PPM1L: variants seen among roughly 807,000 people sequenced by gnomAD.
PPM1L encodes protein phosphatase 1L.
In PPM1L, 13 loss-of-function variants were observed where a neutral mutation model predicts 31.4. That is an observed-to-expected ratio of 0.41 (90% confidence interval 0.27 to 0.66). PPM1L has a LOEUF of 0.66. PPM1L is among the 30% of genes least tolerant of loss of function. The pLI is 0.29. For synonymous variants in PPM1L, 184 were observed against 175.4 expected (o/e 1.05, Z -0.39); for missense variants, 326 against 453.7 (o/e 0.72, Z 2.56).
rs144892440 is a variant in PPM1L at position 160,965,919 on chromosome 3, AC to A, written c.574+4010del. On this transcript the variant is annotated intron_variant, in intron 2 of 3. Coordinates refer to ENST00000498165, the MANE Select transcript of PPM1L (RefSeq NM_139245.4). ...CGTCTAAACTTCTATTAATAAAAAAACAATTAATGAAAAAAACACTTAGACA... is the reference window on the plus strand; with the variant it reads ...CGTCTAAACTTCTATTAATAAAAAAAAATTAATGAAAAAAACACTTAGACA... Among the ~76,000 whole-genome samples the A allele has an allele frequency of 2.7e-4, 41 of 152,252 alleles. No individual in the cohort carries two copies. In the East Asian group the frequency reaches 5.4e-3, roughly 20 times the overall value.
At chr3:161,044,074 C>G (rs1203198645) in intron 2 of PPM1L, among the ~76,000 whole-genome samples, 1 of 152,208 alleles carries the variant, frequency 6.6e-6, no homozygotes, top group African/African-American at 2.4e-5. Flanking sequence ...GAGTCTTGCT[C>G]TGTCACCCAG....
intron 2 of PPM1L, among the ~76,000 whole-genome samples, chr3:161,034,441 C>A (rs1020890608): frequency 6.6e-6 from 1 of 152,062 alleles, no homozygotes; most frequent in Non-Finnish European, 1.5e-5. Flanking sequence ...TGGAACCAAC[C>A]CAAATGGCCA....
intron 1 of PPM1L, among the ~76,000 whole-genome samples, chr3:160,810,311 G>A (rs1290782995): frequency 6.6e-6 from 1 of 152,006 alleles, no homozygotes; most frequent in Non-Finnish European, 1.5e-5. Context: ...TCTCACTCCT[G>A]TTTCAATTTG....
intron 1 of PPM1L, among the ~76,000 whole-genome samples, chr3:160,850,254 A>G (rs1435747770): frequency 2.6e-5 from 4 of 152,220 alleles, no homozygotes; most frequent in African/African-American, 4.8e-5. Flanking sequence ...AGAGATTCAT[A>G]GAGCAAGGTC....
chr3:160,756,605 G>A lies in PPM1L; in HGVS notation c.297G>A (p.Gln99=). Residue 99 remains glutamine, a synonymous_variant, in exon 1 of 4, where the codon CAG becomes CAA. Coordinates refer to ENST00000498165, the MANE Select transcript of PPM1L (RefSeq NM_139245.4). This position sits in a 1 kb window ranked among gnomAD's most constrained non-coding sequence, Gnocchi z 6.2. ...ACAACGTGGCGGTGTACTCCATCCA[G>A]GGCCGGAGAGACCACATGGAGGACC... is the stretch of plus-strand genomic sequence containing the variant. ...KNHNVAVYSI[Q]GRRDHMEDRF... The A allele has an allele frequency of 6.2e-7, 1 of 1,614,156 alleles. No homozygotes were observed. Among genetic ancestry groups the A allele is most frequent in the African/African-American group, 1.3e-5 (1 of 75,046 alleles).
chr3:160,771,818 C>T (rs1236451775), intron 1 of PPM1L, among the ~76,000 whole-genome samples: 1 of 151,594 alleles, frequency 6.6e-6, no homozygotes, highest in Non-Finnish European at 1.5e-5. Context: ...GGGCACTCAG[C>T]CTGTTAATTT....
intron 2 of PPM1L, among the ~76,000 whole-genome samples, chr3:161,004,158 A>G (rs1183391650): frequency 4.1e-5 from 6 of 146,218 alleles, no homozygotes; most frequent in African/African-American, 7.6e-5. Flanking sequence ...ATTTGCGTAT[A>G]TTGAACCAGC....
intron 1 of PPM1L, among the ~76,000 whole-genome samples, chr3:160,945,091 CATGTT>C (rs1421198781): frequency 7.7e-6 from 1 of 129,298 alleles, no homozygotes; most frequent in Non-Finnish European, 1.6e-5. Flanking sequence ...CTATATATAA[CATGTT>C]ATATATAACA....
In PPM1L at chr3:160,917,722, T is replaced by A. The variant is rs75744258; in HGVS notation, c.400-44014T>A. Among the ~76,000 whole-genome samples, 594 of 151,882 alleles carry A rather than the reference T, an allele frequency of 3.9e-3. 2 individuals carry two copies. The highest frequency in any genetic ancestry group is 5.4e-3 in the Non-Finnish European group (367 of 67,940). Reference sequence around the variant, plus strand: ...ATTAGAGAAGGAGAGAATCATATTTTAAAAAAAACATGATTTCAAAGGAAG... The same window carrying A: ...ATTAGAGAAGGAGAGAATCATATTTAAAAAAAAACATGATTTCAAAGGAAG... On this transcript the variant is annotated intron_variant, in intron 1 of 3. Coordinates refer to ENST00000498165, the MANE Select transcript of PPM1L (RefSeq NM_139245.4).
chr3:161,073,773 G>T lies in PPM1L; in HGVS notation c.*4616G>T, dbSNP rs1228349486. ...AGACGGGGTTTCACCATGTTAGCCA[G>T]GATGGTCTTGATATCCTGACCTTGT... On this transcript the variant is annotated 3_prime_UTR_variant, in exon 4 of 4. Transcript: ENST00000498165. The T allele has an allele frequency of 1.3e-5, 2 of 152,212 alleles. No homozygotes were observed. Among genetic ancestry groups the T allele is most frequent in the Non-Finnish European group, 2.9e-5 (2 of 68,116 alleles). The allele number at this position is 152,212 out of a possible 1,614,324, so 9.4% of individuals were successfully genotyped here.
chr3:160,784,996 A>T (rs998908911), intron 1 of PPM1L, among the ~76,000 whole-genome samples: 4 of 152,206 alleles, frequency 2.6e-5, no homozygotes, highest in Non-Finnish European at 5.9e-5. Context: ...TCTGAGGGTG[A>T]CTGGAAACTT....
Position 160,919,332 on chromosome 3 carries a change from T to C in PPM1L, c.400-42404T>C, listed in dbSNP as rs186228309. ...CTTTTTCATTTATCTAGGATCATAG[T>C]TGGGCCACTTAAGAACTGGGCTTTC... is the stretch of plus-strand genomic sequence containing the variant. On this transcript the variant is annotated intron_variant, in intron 1 of 3. Transcript: ENST00000498165. 2.3e-3 allele frequency among the ~76,000 whole-genome samples: 349 copies of C among 152,328 alleles called. 2 individuals carry two copies. Among genetic ancestry groups the C allele is most frequent in the African/African-American group, 7.9e-3 (327 of 41,562 alleles).
intron 1 of PPM1L, among the ~76,000 whole-genome samples, chr3:160,758,974 C>CA (rs1388132403): frequency 1.3e-5 from 2 of 152,080 alleles, no homozygotes; most frequent in Non-Finnish European, 2.9e-5. Flanking sequence ...TGTTTTAGGG[C>CA]AAAATAAGGA....
At chr3:160,935,594 C>T (rs996433839) in intron 1 of PPM1L, among the ~76,000 whole-genome samples, 13 of 152,180 alleles carry the variant, frequency 8.5e-5, no homozygotes, top group African/African-American at 2.7e-4. Context: ...GTGGAGGCTG[C>T]GGCTCCCCTG....
intron 2 of PPM1L, among the ~76,000 whole-genome samples, chr3:161,038,063 C>T (rs1179468627): frequency 6.6e-6 from 1 of 151,556 alleles, no homozygotes. Context: ...GAAACCCCGT[C>T]TCTACTAAAA....
At chr3:160,824,853 T>A (rs1713309508) in intron 1 of PPM1L, among the ~76,000 whole-genome samples, 1 of 152,186 alleles carries the variant, frequency 6.6e-6, no homozygotes, top group Non-Finnish European at 1.5e-5. Context: ...TGTACTTTTT[T>A]AAAGTCTCAT....
intron 1 of PPM1L, among the ~76,000 whole-genome samples, chr3:160,797,149 C>G (rs1190748415): frequency 6.6e-6 from 1 of 152,168 alleles, no homozygotes; most frequent in Non-Finnish European, 1.5e-5. Flanking sequence ...TTTCCAACAG[C>G]TTGTGCTTAC....
intron 2 of PPM1L, among the ~76,000 whole-genome samples, chr3:161,062,148 A>G (rs1304769377): frequency 3.9e-5 from 6 of 152,060 alleles, no homozygotes; most frequent in African/African-American, 7.2e-5. Flanking sequence ...GGGGGGGGAA[A>G]AAAAAAAGCC....
In PPM1L at chr3:160,883,742, A is replaced by G. The variant is rs944117469; in HGVS notation, c.400-77994A>G. On this transcript the variant is annotated intron_variant, in intron 1 of 3. Transcript: ENST00000498165. ...GGGGGCCTGGGCTTTGGGGCTAGGC[A>G]GATTGGGTGTAATTCCCAGCACTGC... is the stretch of plus-strand genomic sequence containing the variant. 8.6e-5 allele frequency among the ~76,000 whole-genome samples: 13 copies of G among 151,994 alleles called. No individual in the cohort carries two copies. In the East Asian group the frequency reaches 1.7e-3, roughly 20 times the overall value.
Sources: gnomAD v4.1 joint callset for allele counts (sites outside exome capture counted in the v4.1 genomes callset) on GRCh38, gnomAD v4.1.1 for gene constraint, Gnocchi (gnomAD v3.1) non-coding constraint, MANE v1.5 for transcripts, NCBI Gene and HGNC (gene_info 2026-07-23, HGNC 2026-07-21) for gene names.